IGSF10: variants seen among roughly 807,000 people sequenced by gnomAD.
The protein encoded by IGSF10 is immunoglobulin superfamily member 10, also known as calvaria mechanical force protein 608.
Under a neutral mutation model 128.2 loss-of-function variants are expected in IGSF10, and 126 were observed. The observed-to-expected ratio is 0.98, with a 90% confidence interval of 0.85 to 1.14. The LOEUF (loss-of-function observed/expected upper bound fraction) is 1.14. Among genes scored for constraint, IGSF10 ranks in the 50% most tolerant of loss-of-function variants. The pLI is 0.00. For synonymous variants in IGSF10, 1,185 were observed against 1,146.2 expected, an observed-to-expected ratio of 1.03 and a Z score of -0.68; for missense variants, 3,295 against 3,149.8, an observed-to-expected ratio of 1.05 and a Z score of -1.10.
chr3:151,586,450 C>T, the IGSF10 span, among the ~76,000 whole-genome samples: 1 of 151,846 alleles, frequency 6.6e-6, no homozygotes, highest in Non-Finnish European at 1.5e-5. Flanking sequence ...CAAGAAATAT[C>T]AATGCTTATC....
chr3:151,437,519 C>CTA lies in IGSF10; in HGVS notation c.7040_7041dup (p.Val2348Ter). On this transcript the variant is annotated frameshift_variant, in exon 8 of 8. Transcript: ENST00000282466. LOFTEE classifies it low-confidence loss of function (END_TRUNC). ...GCTGTGGACTTTCCCAGCTGGGCAA[C>CTA]TATTTTTTCATTAAATGGATTTCTA... 1 of 1,614,176 alleles carries CTA rather than the reference C, an allele frequency of 6.2e-7. No homozygotes were observed. The highest frequency in any genetic ancestry group is 8.5e-7 in the Non-Finnish European group (1 of 1,180,028).
At chr3:151,615,307 T>C in the IGSF10 span, among the ~76,000 whole-genome samples, 2 of 152,244 alleles carry the variant, frequency 1.3e-5, no homozygotes, top group East Asian at 3.9e-4. Flanking sequence ...TATATCACTA[T>C]TTTTAATTTA....
chr3:151,562,577 A>G, the IGSF10 span, among the ~76,000 whole-genome samples: 1 of 152,234 alleles, frequency 6.6e-6, no homozygotes. Context: ...CATCTTAAAG[A>G]TCACCTGGTC....
At chr3:151,508,732 T>G in the IGSF10 span, among the ~76,000 whole-genome samples, 2 of 152,154 alleles carry the variant, frequency 1.3e-5, no homozygotes, top group Non-Finnish European at 2.9e-5. Flanking sequence ...AGAGGGCCCA[T>G]GGAGCATCCA....
chr3:151,488,534 G>T, the IGSF10 span, among the ~76,000 whole-genome samples: 4 of 152,246 alleles, frequency 2.6e-5, no homozygotes, highest in Admixed American at 1.3e-4. Context: ...TAAGCAAAAA[G>T]AACAAAGCTG....
chr3:151,528,077 C>A, the IGSF10 span, among the ~76,000 whole-genome samples: 2 of 152,064 alleles, frequency 1.3e-5, no homozygotes, highest in Non-Finnish European at 2.9e-5. Context: ...ACTCACAGTG[C>A]TTTTTTTCCT....
At chr3:151,551,662 TACACACACAC>T in the IGSF10 span, among the ~76,000 whole-genome samples, 2,535 of 145,470 alleles carry the variant, frequency 0.017, 14 homozygotes, top group South Asian at 0.056. Context: ...ACATGGGCAT[TACACACACAC>T]ACACACACAC....
In IGSF10 at chr3:151,438,601, A is replaced by G. The variant is rs1720605969; in HGVS notation, c.5964-4T>C. ...GACGTGGATCCAGCTGCCCACTCTA[A>G]GGAGAAAAGAGATTCATTTGAGTGT... On this transcript the variant is annotated splice_polypyrimidine_tract_variant and splice_region_variant and intron_variant, in intron 7 of 7. Coordinates refer to ENST00000282466, the MANE Select transcript of IGSF10 (RefSeq NM_178822.5). 1.2e-6 allele frequency: 2 copies of G among 1,604,214 alleles called. No individual in the cohort carries two copies. Among genetic ancestry groups the G allele is most frequent in the South Asian group, 1.1e-5 (1 of 90,064 alleles).
At position 151,447,937 on chromosome 3, in the gene IGSF10, C is replaced by T. The variant is rs144703993; in HGVS notation, c.2044G>A (p.Asp682Asn). The change falls in exon 6 of 8, where the codon GAT (aspartate) becomes AAT (asparagine). Residue 682 changes from aspartate (D) to asparagine (N), a missense_variant. Transcript: ENST00000282466. ...HDGETEGSGL[D>N]ESNPIAHLKE... ...AGATGAGCAATAGGATTGGACTCAT[C>T]AAGTCCAGATCCCTCTGTTTCTCCA... 1.3e-5 allele frequency: 21 copies of T among 1,614,098 alleles called. No individual in the cohort carries two copies. The African/African-American group carries it at 2.4e-4, about 18-fold the overall frequency.
chr3:151,494,637 C>T, the IGSF10 span, among the ~76,000 whole-genome samples: 1 of 152,042 alleles, frequency 6.6e-6, no homozygotes, highest in Non-Finnish European at 1.5e-5. Flanking sequence ...ATAACTGGAC[C>T]TGATTGTACT....
chr3:151,616,050 C>T, the IGSF10 span, among the ~76,000 whole-genome samples: 2 of 151,200 alleles, frequency 1.3e-5, no homozygotes, highest in Admixed American at 6.6e-5. Flanking sequence ...CCACAACCTC[C>T]GCCTCCTGGG....
chr3:151,508,212 A>G, the IGSF10 span, among the ~76,000 whole-genome samples: 3 of 152,126 alleles, frequency 2.0e-5, no homozygotes, highest in Non-Finnish European at 4.4e-5. Context: ...AGTTACTTAA[A>G]AGTTTCAAAT....
At chr3:151,509,040 G>A in the IGSF10 span, among the ~76,000 whole-genome samples, 2 of 152,176 alleles carry the variant, frequency 1.3e-5, no homozygotes. Flanking sequence ...AAACTTCACA[G>A]CACACAATCC....
At chr3:151,468,896 C>G in the IGSF10 span, among the ~76,000 whole-genome samples, 1 of 152,196 alleles carries the variant, frequency 6.6e-6, no homozygotes, top group Non-Finnish European at 1.5e-5. Flanking sequence ...TCCCCCTGCC[C>G]TGCTGCCTAG....
At chr3:151,465,624 A>G (rs1007267889), upstream of IGSF10, among the ~76,000 whole-genome samples, 1 of 152,224 alleles carries the variant, frequency 6.6e-6, no homozygotes, top group South Asian at 2.1e-4. Context: ...TATTTTCTCA[A>G]ATGGGAAATG....
At chr3:151,466,008 A>G (rs1277339239), upstream of IGSF10, among the ~76,000 whole-genome samples, 3 of 152,040 alleles carry the variant, frequency 2.0e-5, no homozygotes, top group Non-Finnish European at 1.5e-5. Context: ...CTCACTTCTG[A>G]TTTCTGTATA....
chr3:151,555,996 G>A, the IGSF10 span, among the ~76,000 whole-genome samples: 1 of 152,136 alleles, frequency 6.6e-6, no homozygotes, highest in Non-Finnish European at 1.5e-5. Context: ...CAAGTTTAAT[G>A]TGATTTCACA....
the IGSF10 span, among the ~76,000 whole-genome samples, chr3:151,562,649 T>C: frequency 2.6e-5 from 4 of 152,106 alleles, no homozygotes; most frequent in African/African-American, 9.7e-5. Context: ...GGAAGGTACT[T>C]GGCCAGGATT....
chr3:151,445,067 G>A lies in IGSF10; in HGVS notation c.4914C>T (p.Asp1638=), dbSNP rs919689151. ...TTTCAAATATATACCTAGACAAAGA[G>A]TCAAAGGGAAGGAGTTTGGAAGTTG... ...EATTSKLLPF[D]SLSRYIFEKP... Residue 1638 remains aspartate (D), a synonymous_variant, in exon 6 of 8, where the codon GAC becomes GAT. Transcript: ENST00000282466. 32 of 1,614,064 alleles carry A rather than the reference G, an allele frequency of 2.0e-5. No homozygotes were observed. Among genetic ancestry groups the A allele is most frequent in the Non-Finnish European group, 2.6e-5 (31 of 1,180,040 alleles).
Sources: gnomAD v4.1 joint callset for allele counts (sites outside exome capture counted in the v4.1 genomes callset) on GRCh38, gnomAD v4.1.1 for gene constraint, MANE v1.5 for transcripts, NCBI Gene and HGNC (gene_info 2026-07-23, HGNC 2026-07-21) for gene names.